Variants in EIF2A observed in about 807,000 individuals in gnomAD.
EIF2A encodes eukaryotic translation initiation factor 2A.
In EIF2A, 62 loss-of-function variants were observed where a neutral mutation model predicts 75.2. The ratio of observed to expected loss-of-function variants is 0.82; its 90% CI spans 0.67 to 1.02. The LOEUF (loss-of-function observed/expected upper bound fraction) is 1.02, where lower values mean the gene tolerates loss of function less well. Ranked by LOEUF, EIF2A falls within the 50% of genes least tolerant of loss-of-function variation. The pLI is 0.00. For missense variants in EIF2A, 611 were observed against 677.7 expected (o/e 0.90, Z 1.09); for synonymous variants, 207 against 239.0 (o/e 0.87, Z 1.23).
In EIF2A at chr3:150,562,643, C is replaced by T. The variant is rs749842765; in HGVS notation, c.275C>T (p.Thr92Met). ...TCACCCAAAAATACTGTCCTGGCAA[C>T]GTGGCAGCCTTACACTAGTAAGTAT... The part of the protein sequence containing the change: ...EFSPKNTVLA[T>M]WQPYTTSKDG... Residue 92 changes from threonine to methionine, a missense_variant, in exon 4 of 14, where the codon ACG becomes ATG. Transcript: ENST00000460851. The T allele has an allele frequency of 1.1e-5, 17 of 1,612,692 alleles. No homozygotes were observed. Among genetic ancestry groups the T allele is most frequent in the Admixed American group, 1.7e-5 (1 of 59,934 alleles).
chr3:150,574,435 C>A lies in EIF2A; in HGVS notation c.1384-1214C>A, dbSNP rs576122376. On this transcript the variant is annotated intron_variant, in intron 10 of 13. Transcript: ENST00000460851. Reference sequence around the variant, plus strand: ...AAAGTTCTGAGCAGAAACTTTTCGGCCAAAGTAAACTACTACAGAAGAGCC... The same window carrying A: ...AAAGTTCTGAGCAGAAACTTTTCGGACAAAGTAAACTACTACAGAAGAGCC... 2.0e-5 allele frequency among the ~76,000 whole-genome samples: 3 copies of A among 151,978 alleles called. No homozygotes were observed. In the South Asian group the frequency reaches 6.3e-4, roughly 32 times the overall value.
chr3:150,575,700 C>T lies in EIF2A; in HGVS notation c.1435C>T (p.Pro479Ser). 6.2e-7 allele frequency: 1 copy of T among 1,613,160 alleles called. No individual in the cohort carries two copies. The highest frequency in any genetic ancestry group is 8.5e-7 in the Non-Finnish European group (1 of 1,179,570). The stretch of plus-strand genomic sequence containing the variant: ...GAAACCACAATCAGGAAACGATAAG[C>T]CATTATCAAAAACAGCTCTTAAAAA... ...NMKPQSGNDK[P>S]LSKTALKNQR... The change falls in exon 11 of 14, where the codon CCA becomes TCA. Residue 479 changes from proline (P) to serine (S), a missense_variant. Coordinates refer to ENST00000460851, the MANE Select transcript of EIF2A (RefSeq NM_032025.5).
At chr3:150,565,739 G>A (rs1483347688) in intron 6 of EIF2A, 1 of 143,292 alleles carries the variant, frequency 7.0e-6, no homozygotes, top group East Asian at 2.1e-4. Flanking sequence ...TTGATTATTT[G>A]TAGAGACAGG....
At chr3:150,557,323 G>T (rs898188292) in intron 2 of EIF2A, among the ~76,000 whole-genome samples, 1 of 152,166 alleles carries the variant, frequency 6.6e-6, no homozygotes, top group Admixed American at 6.5e-5. Context: ...CTGCCGTAAG[G>T]TTCAGAAATG....
intron 6 of EIF2A, chr3:150,566,149 A>G (rs1724173974): frequency 6.6e-6 from 1 of 152,058 alleles, no homozygotes; most frequent in African/African-American, 2.4e-5. Context: ...GTTTCAGTCC[A>G]TTGTAGTTAT....
intron 6 of EIF2A, chr3:150,565,681 C>T (rs1724130998): frequency 6.4e-6 from 1 of 155,264 alleles, no homozygotes; most frequent in Non-Finnish European, 1.4e-5. Flanking sequence ...GCCTCAGCCT[C>T]CCAAGTAGCT....
chr3:150,560,838 G>A (rs964658822), intron 3 of EIF2A, among the ~76,000 whole-genome samples: 10 of 150,336 alleles, frequency 6.7e-5, no homozygotes, highest in African/African-American at 1.2e-4. Context: ...TGAGCAAATC[G>A]TCAAATCATT....
chr3:150,575,805 A>G (rs781473718), intron 11 of EIF2A, 43 bp downstream of exon 11: 2 of 1,531,790 alleles, frequency 1.3e-6, no homozygotes, highest in Non-Finnish European at 1.8e-6. Flanking sequence ...ATAGTCAGTT[A>G]TGGCCGGGCG....
intron 13 of EIF2A, 140 bp downstream of exon 13, chr3:150,583,405 T>C (rs1415911478): frequency 4.1e-6 from 3 of 725,526 alleles, no homozygotes; most frequent in African/African-American, 3.6e-5. Flanking sequence ...TTCTTTTTAA[T>C]GTTTTTACTT....
intron 2 of EIF2A, among the ~76,000 whole-genome samples, chr3:150,555,279 GGA>G (rs898134745): frequency 6.6e-6 from 1 of 151,202 alleles, no homozygotes; most frequent in Non-Finnish European, 1.5e-5. Context: ...TTTTTGAGAT[GGA>G]GTTTCACTCT....
chr3:150,564,440 T>G, intron 6 of EIF2A, 59 bp downstream of exon 6: 2 of 1,378,658 alleles, frequency 1.5e-6, no homozygotes, highest in African/African-American at 2.9e-5. Context: ...CAGTTTCCAT[T>G]AACTTTTATG....
chr3:150,552,643 G>A (rs1446991758), intron 2 of EIF2A: 12 of 378,736 alleles, frequency 3.2e-5, no homozygotes, highest in Admixed American at 4.4e-5. Context: ...AAGGTAGGGG[G>A]AACAATACTA....
intron 3 of EIF2A, among the ~76,000 whole-genome samples, chr3:150,559,423 C>T (rs1297157460): frequency 3.3e-5 from 5 of 151,346 alleles, no homozygotes; most frequent in Admixed American, 3.3e-4. Flanking sequence ...GGCTCAAACT[C>T]CTGGCCCCAA....
intron 10 of EIF2A, 61 bp from the exon 11 acceptor site, chr3:150,575,586 ATT>A: frequency 8.3e-7 from 1 of 1,200,784 alleles, no homozygotes; most frequent in Non-Finnish European, 1.2e-6. Flanking sequence ...GAAGTGTATA[ATT>A]TGTTGTTGTA....
In EIF2A at chr3:150,572,104, G is replaced by A. The variant is rs750351034; in HGVS notation, c.958G>A (p.Ala320Thr). 6.2e-7 allele frequency: 1 copy of A among 1,613,956 alleles called. No homozygotes were observed. Among genetic ancestry groups the A allele is most frequent in the South Asian group, 1.1e-5 (1 of 91,086 alleles). ...CTTTGGAACTGGTCCTCGTAATGCA[G>A]CCTACTATAGCCCTCATGGACATAT... ...FDFGTGPRNAAYYSPHGHILV... is the reference protein window; with the variant it reads ...FDFGTGPRNATYYSPHGHILV... The change falls in exon 10 of 14, where the codon GCC (alanine) becomes ACC (threonine). Residue 320 changes from alanine (A) to threonine (T), a missense_variant. Ala to Thr is a moderately conservative substitution (Grantham distance 58, BLOSUM62 0). Coordinates refer to ENST00000460851, the MANE Select transcript of EIF2A (RefSeq NM_032025.5).
At chr3:150,566,541 A>G (rs969284488) in intron 6 of EIF2A, 1 of 152,028 alleles carries the variant, frequency 6.6e-6, no homozygotes, top group Non-Finnish European at 1.5e-5. Context: ...TAACAATCAT[A>G]ATTTTATTTA....
chr3:150,550,315 C>A (rs1325363944), intron 1 of EIF2A, among the ~76,000 whole-genome samples: 1 of 152,044 alleles, frequency 6.6e-6, no homozygotes, highest in Non-Finnish European at 1.5e-5. Flanking sequence ...AAAAAGGATT[C>A]CTTGTTAGAA....
chr3:150,560,695 T>C, intron 3 of EIF2A, among the ~76,000 whole-genome samples: 1 of 151,358 alleles, frequency 6.6e-6, no homozygotes, highest in Admixed American at 6.6e-5. Context: ...TTACAGCAAC[T>C]TCTGGAATAA....
chr3:150,572,698 TAAC>T (rs1043952260), intron 10 of EIF2A, among the ~76,000 whole-genome samples, 169 bp downstream of exon 10: 3 of 151,878 alleles, frequency 2.0e-5, no homozygotes, highest in African/African-American at 7.3e-5. Context: ...CTACTAAAAA[TAAC>T]AAAAATTAGC....
Sources: gnomAD v4.1 joint callset for allele counts (sites outside exome capture counted in the v4.1 genomes callset) on GRCh38, gnomAD v4.1.1 for gene constraint, MANE v1.5 for transcripts, NCBI Gene and HGNC (gene_info 2026-07-23, HGNC 2026-07-21) for gene names.